Variants in GRIP1 observed in about 807,000 individuals in gnomAD.
GRIP1 encodes the protein glutamate receptor-interacting protein 1.
GRIP1 carries 45 observed loss-of-function variants against 129.9 expected under a neutral mutation model. The ratio of observed to expected loss-of-function variants is 0.35; its 90% confidence interval spans 0.27 to 0.44. GRIP1 has a LOEUF of 0.44. Among genes scored for constraint, GRIP1 ranks in the 20% least tolerant of loss-of-function variants. GRIP1 has a pLI of 1.00. For synonymous variants in GRIP1, 530 were observed against 520.8 expected (o/e 1.02, Z -0.24); for missense variants, 1,196 against 1,396.8 (o/e 0.86, Z 2.29).
chr12:66,853,701 T>C (rs770736664), intron 1 of GRIP1, among the ~76,000 whole-genome samples: 1 of 152,072 alleles, frequency 6.6e-6, no homozygotes, highest in African/African-American at 2.4e-5. Flanking sequence ...AAATCAAGTG[T>C]GTACCAACAA....
At chr12:66,619,662 T>C (rs1011885494) in intron 1 of GRIP1, among the ~76,000 whole-genome samples, 13 of 152,188 alleles carry the variant, frequency 8.5e-5, no homozygotes, top group African/African-American at 3.1e-4. Context: ...TTAATTTTTA[T>C]CTGCTTTGTG....
chr12:66,854,137 C>T (rs12321862), intron 1 of GRIP1, among the ~76,000 whole-genome samples: 9,168 of 151,926 alleles, frequency 0.06, 937 homozygotes, highest in African/African-American at 0.21. Context: ...CTTTAATGTG[C>T]AATCTTGGGA....
chr12:66,690,798 T>C (rs1482232937), intron 1 of GRIP1, among the ~76,000 whole-genome samples: 1 of 151,178 alleles, frequency 6.6e-6, no homozygotes, highest in Non-Finnish European at 1.5e-5. Flanking sequence ...CCAGGCATTG[T>C]GGTGTGTGCC....
At chr12:66,827,363 G>GGTGTGTGTGTGTGT (rs34267289) in intron 1 of GRIP1, among the ~76,000 whole-genome samples, 1 of 137,816 alleles carries the variant, frequency 7.3e-6, no homozygotes, top group East Asian at 2.2e-4. Context: ...CTCAAAACCA[G>GGTGTGTGTGTGTGT]GTGTGTGTGT....
chr12:66,362,727 A>T lies in GRIP1; in HGVS notation c.3012+8967T>A, dbSNP rs918048602. On this transcript the variant is annotated intron_variant, in intron 23 of 24. Transcript: ENST00000359742. ...ATCAAACTTAAGGGAAGCTATTAAC[A>T]TTTCTGAAGAGAGGTGGTGGTGGGT... Among the ~76,000 whole-genome samples, 4 of 151,856 alleles carry T rather than the reference A, an allele frequency of 2.6e-5. No homozygotes were observed. The East Asian group carries it at 7.7e-4, about 29-fold the overall frequency.
chr12:66,874,507 G>A (rs569326222), intron 1 of GRIP1, among the ~76,000 whole-genome samples: 1 of 152,042 alleles, frequency 6.6e-6, no homozygotes, highest in East Asian at 1.9e-4. Flanking sequence ...AAGAAAAGAG[G>A]TTTAACTGGC....
intron 1 of GRIP1, among the ~76,000 whole-genome samples, chr12:67,064,102 A>G (rs2135898585): frequency 6.6e-6 from 1 of 152,356 alleles, no homozygotes; most frequent in Non-Finnish European, 1.5e-5. Flanking sequence ...GTAGTCAAAT[A>G]ATTCAACTTA....
intron 22 of GRIP1, among the ~76,000 whole-genome samples, chr12:66,376,531 G>A (rs934586452): frequency 3.3e-5 from 5 of 152,134 alleles, no homozygotes; most frequent in East Asian, 1.9e-4. Context: ...ATTCCATCTC[G>A]TTCTTCCTTG....
chr12:67,035,182 T>G (rs1446798461), intron 1 of GRIP1, among the ~76,000 whole-genome samples: 1 of 152,170 alleles, frequency 6.6e-6, no homozygotes, highest in African/African-American at 2.4e-5. Flanking sequence ...TTGAATGTAA[T>G]ACCAGCCTAC....
intron 11 of GRIP1, among the ~76,000 whole-genome samples, chr12:66,450,958 G>T (rs2058775816): frequency 6.6e-6 from 1 of 152,210 alleles, no homozygotes; most frequent in Non-Finnish European, 1.5e-5. Context: ...AATGTGGATG[G>T]TGAATTGTCT....
At chr12:66,860,431 C>T (rs1347079132) in intron 1 of GRIP1, among the ~76,000 whole-genome samples, 1 of 152,050 alleles carries the variant, frequency 6.6e-6, no homozygotes, top group Non-Finnish European at 1.5e-5. Flanking sequence ...AGACAATAAT[C>T]CGATACAATT....
At chr12:66,481,282 GC>G (rs138349337) in intron 7 of GRIP1, among the ~76,000 whole-genome samples, 51,981 of 149,882 alleles carry the variant, frequency 0.35, 9,482 homozygotes, top group Non-Finnish European at 0.41. Flanking sequence ...CAAAAAGTGG[GC>G]AAAGGATATG....
chr12:67,031,656 T>C (rs1475310353), intron 1 of GRIP1, among the ~76,000 whole-genome samples: 1 of 152,176 alleles, frequency 6.6e-6, no homozygotes, highest in Non-Finnish European at 1.5e-5. Context: ...TCTATCCTTA[T>C]TAATGTCTTC....
At chr12:66,382,406 C>G (rs553712842) in intron 19 of GRIP1, among the ~76,000 whole-genome samples, 1 of 152,114 alleles carries the variant, frequency 6.6e-6, no homozygotes, top group South Asian at 2.1e-4. Context: ...AAGAAAAGAC[C>G]AAGGTTCAAA....
At chr12:66,620,069 C>T (rs1221474024) in intron 1 of GRIP1, among the ~76,000 whole-genome samples, 1 of 152,124 alleles carries the variant, frequency 6.6e-6, no homozygotes, top group Non-Finnish European at 1.5e-5. Flanking sequence ...GATCAAAGCT[C>T]AGAGGCATTA....
At chr12:66,607,931 C>A (rs1356488967) in intron 1 of GRIP1, among the ~76,000 whole-genome samples, 1 of 152,064 alleles carries the variant, frequency 6.6e-6, no homozygotes, top group Non-Finnish European at 1.5e-5. Flanking sequence ...TGAAAATTCC[C>A]AAATTTAAGC....
chr12:66,490,835 T>C (rs534617750), intron 7 of GRIP1, among the ~76,000 whole-genome samples: 4 of 152,106 alleles, frequency 2.6e-5, no homozygotes, highest in African/African-American at 7.2e-5. Flanking sequence ...AAGACATTCA[T>C]GCACACAACA....
chr12:66,811,400 T>A (rs2039100396), intron 1 of GRIP1, among the ~76,000 whole-genome samples: 1 of 152,202 alleles, frequency 6.6e-6, no homozygotes, highest in East Asian at 1.9e-4. Flanking sequence ...GACTAGAAAG[T>A]CTCTTCTAGC....
chr12:66,708,593 G>T (rs1767321163), intron 1 of GRIP1, among the ~76,000 whole-genome samples: 1 of 151,762 alleles, frequency 6.6e-6, no homozygotes, highest in Non-Finnish European at 1.5e-5. Flanking sequence ...TAATTTTGTG[G>T]TCATCTATGA....
Sources: allele counts gnomAD v4.1 joint callset (sites outside exome capture counted in the v4.1 genomes callset), GRCh38; gene constraint gnomAD v4.1.1; transcripts MANE v1.5; gene names NCBI Gene and HGNC (gene_info 2026-07-23, HGNC 2026-07-21).